EXOC6: variants seen among roughly 807,000 people sequenced by gnomAD.
EXOC6 encodes the protein exocyst complex component 6, also known as SEC15-like 1.
A neutral mutation model predicts 112.5 loss-of-function variants in EXOC6; 60 were observed. The observed-to-expected ratio is 0.53, with a 90% confidence interval of 0.43 to 0.66. The LOEUF (loss-of-function observed/expected upper bound fraction) is 0.66. Ranked by LOEUF, EXOC6 falls within the 30% of genes least tolerant of loss-of-function variation. The probability of loss-of-function intolerance (pLI) is 0.00; values close to 1 mark genes in which losing one functional copy is unlikely to be tolerated. For missense variants in EXOC6, 855 were observed against 957.1 expected, an observed-to-expected ratio of 0.89 and a Z score of 1.41; for synonymous variants, 295 against 308.0, an observed-to-expected ratio of 0.96 and a Z score of 0.44.
chr10:92,996,396 G>A (rs192333390), intron 18 of EXOC6, among the ~76,000 whole-genome samples: 16 of 152,142 alleles, frequency 1.1e-4, no homozygotes, highest in Non-Finnish European at 2.4e-4. Flanking sequence ...CAAGGCGGGC[G>A]GATCACAAGG....
intron 18 of EXOC6, among the ~76,000 whole-genome samples, chr10:92,976,510 A>C (rs913491782): frequency 5.9e-5 from 9 of 151,876 alleles, no homozygotes; most frequent in East Asian, 1.9e-4. Context: ...TCAAGTACCC[A>C]GGGACACAAA....
intron 18 of EXOC6, among the ~76,000 whole-genome samples, chr10:92,986,993 C>T (rs925258744): frequency 1.3e-5 from 2 of 151,838 alleles, no homozygotes; most frequent in South Asian, 2.1e-4. Context: ...TTTAGTGTGC[C>T]GTCTTTCCTC....
At chr10:92,949,758 A>AAG (rs1334667964) in intron 14 of EXOC6, among the ~76,000 whole-genome samples, 4 of 151,990 alleles carry the variant, frequency 2.6e-5, no homozygotes, top group African/African-American at 9.7e-5. Context: ...ATGCCCAGCT[A>AAG]ATTTTGTAAT....
chr10:92,867,770 T>TCC (rs1433616273), intron 1 of EXOC6, among the ~76,000 whole-genome samples: 1 of 152,172 alleles, frequency 6.6e-6, no homozygotes, highest in Non-Finnish European at 1.5e-5. Context: ...GAGATGGATA[T>TCC]ATAAATGGAT....
chr10:92,873,746 G>A (rs1396806420), intron 1 of EXOC6, among the ~76,000 whole-genome samples: 2 of 151,934 alleles, frequency 1.3e-5, no homozygotes, highest in African/African-American at 2.4e-5. Context: ...TCAGTATTCC[G>A]TGGTGAAAGA....
intron 13 of EXOC6, among the ~76,000 whole-genome samples, chr10:92,947,178 A>G (rs1006150382): frequency 5.3e-5 from 8 of 152,234 alleles, no homozygotes; most frequent in Non-Finnish European, 8.8e-5. Context: ...CCCAAATATC[A>G]GTGGATGAAC....
chr10:92,847,835 C>CTTTTTTTTTT, upstream of EXOC6, among the ~76,000 whole-genome samples: 1 of 93,680 alleles, frequency 1.1e-5, no homozygotes, highest in Non-Finnish European at 2.0e-5. Flanking sequence ...CGCCCTGGGC[C>CTTTTTTTTTT]TTTTTTTTTT....
In EXOC6 at chr10:92,853,988, A is replaced by G. The variant is rs146180159; in HGVS notation, c.101+5354A>G. On this transcript the variant is annotated intron_variant, in intron 1 of 21. Coordinates refer to ENST00000260762, the MANE Select transcript of EXOC6 (RefSeq NM_019053.6). ...ATGCCTCTGCACTCCAGTCTGGGCA[A>G]CAGAGTGAGTCCCTGTCTCAAAAAA... Among the ~76,000 whole-genome samples the G allele has an allele frequency of 1.8e-3, 272 of 149,252 alleles. 1 individual carries two copies. The highest frequency in any genetic ancestry group is 6.4e-3 in the African/African-American group (258 of 40,600).
intron 1 of EXOC6, 102 bp downstream of exon 1, chr10:92,848,736 C>G (rs536051654): frequency 3.1e-6 from 3 of 971,842 alleles, no homozygotes; most frequent in Non-Finnish European, 2.6e-6. Flanking sequence ...CGAAGCTCCC[C>G]GACAGGTGGT....
intron 19 of EXOC6, among the ~76,000 whole-genome samples, chr10:93,013,086 G>T (rs1049726288): frequency 6.6e-6 from 1 of 151,940 alleles, no homozygotes; most frequent in South Asian, 2.1e-4. Flanking sequence ...ATGATTACAG[G>T]CATTCTTATC....
At position 93,030,534 on chromosome 10, in the gene EXOC6, C is replaced by T. The variant is rs528012469; in HGVS notation, c.2169+16267C>T. The stretch of plus-strand genomic sequence containing the variant: ...AAGCATGAACAGTAACACAGGATTC[C>T]TTGTGAAGAATGAGAAGATTTAATT... On this transcript the variant is annotated intron_variant, in intron 20 of 21. Transcript: ENST00000260762. Among the ~76,000 whole-genome samples the T allele has an allele frequency of 2.0e-5, 3 of 152,176 alleles. No individual in the cohort carries two copies. In the South Asian group the frequency reaches 6.2e-4, roughly 32 times the overall value.
At chr10:92,858,989 T>C (rs1195476885) in intron 1 of EXOC6, among the ~76,000 whole-genome samples, 1 of 152,204 alleles carries the variant, frequency 6.6e-6, no homozygotes, top group African/African-American at 2.4e-5. Context: ...GGTCTTGAAC[T>C]CCTGACCTCA....
At chr10:93,028,965 T>C (rs545612946) in intron 20 of EXOC6, among the ~76,000 whole-genome samples, 4 of 152,082 alleles carry the variant, frequency 2.6e-5, no homozygotes, top group Non-Finnish European at 5.9e-5. Context: ...CCAAACAGTA[T>C]CCATGCTTCA....
At chr10:93,047,153 G>A in intron 20 of EXOC6, among the ~76,000 whole-genome samples, 1 of 152,220 alleles carries the variant, frequency 6.6e-6, no homozygotes, top group South Asian at 2.1e-4. Flanking sequence ...TATTGTAAGA[G>A]AGAGGCAAAG....
At chr10:92,858,888 C>T (rs912965305) in intron 1 of EXOC6, among the ~76,000 whole-genome samples, 3 of 152,176 alleles carry the variant, frequency 2.0e-5, no homozygotes, top group Non-Finnish European at 4.4e-5. Flanking sequence ...GTCTCAGCCT[C>T]CCAAGTACCT....
chr10:93,005,303 C>CA (rs983945947), intron 19 of EXOC6, among the ~76,000 whole-genome samples: 1 of 151,984 alleles, frequency 6.6e-6, no homozygotes, highest in African/African-American at 2.4e-5. Flanking sequence ...TTGGAAATTG[C>CA]AAAAATAGCT....
At position 93,055,717 on chromosome 10, in the gene EXOC6, C is replaced by G. The variant is rs553445944; in HGVS notation, c.2170-1207C>G. ...CCTAGTGTTTCAACTGTTGGTATGG[C>G]CCAGAATGGTATCTTGTCCGAAAGA... On this transcript the variant is annotated intron_variant, in intron 20 of 21. Transcript: ENST00000260762. Among the ~76,000 whole-genome samples the G allele has an allele frequency of 6.9e-3, 772 of 111,122 alleles. 4 individuals are homozygous for G. Among genetic ancestry groups the G allele is most frequent in the African/African-American group, 0.017 (535 of 31,066 alleles). The allele number at this position is 111,122 out of a possible 152,430, so 72.9% of individuals were successfully genotyped here.
chr10:92,913,425 T>C (rs1396637775), intron 6 of EXOC6, among the ~76,000 whole-genome samples: 4 of 152,212 alleles, frequency 2.6e-5, no homozygotes, highest in Admixed American at 6.5e-5. Context: ...TCTTAAGTGA[T>C]ACCCTGTTAC....
intron 1 of EXOC6, among the ~76,000 whole-genome samples, chr10:92,842,486 C>T (rs1230378596): frequency 1.3e-5 from 2 of 150,864 alleles, no homozygotes; most frequent in African/African-American, 4.9e-5. Flanking sequence ...TCATTAGCTA[C>T]ATTTCAAATC....
Sources: gnomAD v4.1 joint callset for allele counts (sites outside exome capture counted in the v4.1 genomes callset) on GRCh38, gnomAD v4.1.1 for gene constraint, MANE v1.5 for transcripts, NCBI Gene and HGNC (gene_info 2026-07-23, HGNC 2026-07-21) for gene names.